Variants in FOXP2 observed in about 807,000 individuals in gnomAD.
FOXP2 encodes forkhead box P2, also known as forkhead box protein P2.
FOXP2 carries 12 observed loss-of-function variants against 115.8 expected under a neutral mutation model. The ratio of observed to expected loss-of-function variants is 0.10; its 90% CI spans 0.07 to 0.17. The LOEUF is 0.17. Among genes scored for constraint, FOXP2 ranks in the 10% least tolerant of loss-of-function variants. The probability of loss-of-function intolerance (pLI) is 1.00; values close to 1 mark genes in which losing one functional copy is unlikely to be tolerated. For synonymous variants in FOXP2, 328 were observed against 297.7 expected, an observed-to-expected ratio of 1.10 and a Z score of -1.05; for missense variants, 629 against 843.5, an observed-to-expected ratio of 0.75 and a Z score of 3.15.
chr7:114,525,764 C>T (rs1045057312), intron 2 of FOXP2, among the ~76,000 whole-genome samples: 1 of 152,086 alleles, frequency 6.6e-6, no homozygotes, highest in African/African-American at 2.4e-5. Flanking sequence ...GCTGCTGCTC[C>T]TTAATTTAGT....
intron 10 of FOXP2, among the ~76,000 whole-genome samples, chr7:114,657,581 G>T (rs559912468): frequency 6.6e-6 from 1 of 152,172 alleles, no homozygotes; most frequent in Admixed American, 6.5e-5. Context: ...CTAAAGGTCA[G>T]TGTAAAATTT....
chr7:114,384,878 G>GT (rs1212982962), intron 2 of FOXP2, among the ~76,000 whole-genome samples: 2 of 151,766 alleles, frequency 1.3e-5, no homozygotes, highest in African/African-American at 4.8e-5. Context: ...TGGTTACTGG[G>GT]TTAAGGATTT....
chr7:114,250,336 G>C (rs979881005), intron 1 of FOXP2, among the ~76,000 whole-genome samples: 1 of 152,130 alleles, frequency 6.6e-6, no homozygotes, highest in African/African-American at 2.4e-5. Context: ...GGGTCAAATG[G>C]CATTTCTAGT....
At chr7:114,472,175 G>T (rs1796078904) in intron 2 of FOXP2, among the ~76,000 whole-genome samples, 1 of 151,910 alleles carries the variant, frequency 6.6e-6, no homozygotes, top group Non-Finnish European at 1.5e-5. Flanking sequence ...TACATGCATG[G>T]AGTTTAAAGA....
At chr7:114,646,413 A>G (rs1022700699) in intron 8 of FOXP2, among the ~76,000 whole-genome samples, 46 of 152,052 alleles carry the variant, frequency 3.0e-4, no homozygotes, top group African/African-American at 8.9e-4. Flanking sequence ...ATTACTGACA[A>G]CCAGATGAAT....
At chr7:114,406,673 G>T (rs2129197778) in intron 2 of FOXP2, among the ~76,000 whole-genome samples, 1 of 152,002 alleles carries the variant, frequency 6.6e-6, no homozygotes. Context: ...AGTTAAAAAA[G>T]AAAGTGTTTT....
chr7:114,194,382 T>TA (rs1289920930), intron 1 of FOXP2, among the ~76,000 whole-genome samples: 1 of 152,094 alleles, frequency 6.6e-6, no homozygotes, highest in Non-Finnish European at 1.5e-5. Context: ...TCTGTCTTTT[T>TA]AGCTGCTCTC....
intron 8 of FOXP2, among the ~76,000 whole-genome samples, chr7:114,650,783 C>T (rs150985323): frequency 1.8e-4 from 28 of 152,054 alleles, no homozygotes; most frequent in African/African-American, 6.5e-4. Flanking sequence ...TGACCTTATC[C>T]ACCTTGCTAT....
chr7:114,463,097 T>C (rs1172574381), intron 2 of FOXP2: 1 of 426,588 alleles, frequency 2.3e-6, no homozygotes. Context: ...GGTGCAATCA[T>C]AACTCACTGC....
At chr7:114,387,521 T>G (rs1792483054) in intron 2 of FOXP2, among the ~76,000 whole-genome samples, 2 of 152,156 alleles carry the variant, frequency 1.3e-5, no homozygotes, top group South Asian at 4.2e-4. Context: ...TTTATTTAGG[T>G]TTTTTGGAGG....
At chr7:114,186,049 G>A (rs1345502877) in intron 1 of FOXP2, among the ~76,000 whole-genome samples, 1 of 151,996 alleles carries the variant, frequency 6.6e-6, no homozygotes, top group East Asian at 2.0e-4. Flanking sequence ...TCCACCATGA[G>A]GGTGTAACCC....
intron 3 of FOXP2, among the ~76,000 whole-genome samples, chr7:114,568,441 G>C (rs1338593065): frequency 2.0e-5 from 3 of 148,114 alleles, no homozygotes; most frequent in Non-Finnish European, 3.0e-5. Context: ...TTTGGGGGGG[G>C]GTTATTTTGT....
chr7:114,489,756 T>C (rs1796948157), intron 2 of FOXP2, among the ~76,000 whole-genome samples: 1 of 152,074 alleles, frequency 6.6e-6, no homozygotes, highest in Non-Finnish European at 1.5e-5. Context: ...CTGATTAAAA[T>C]ATGGACCAAA....
chr7:114,100,078 A>C (rs910479641), intron 1 of FOXP2, among the ~76,000 whole-genome samples: 4 of 152,188 alleles, frequency 2.6e-5, no homozygotes, highest in African/African-American at 7.2e-5. Context: ...TGAGTGAAGA[A>C]CTTGTTTTTG....
At chr7:114,134,867 AT>A (rs1791995799) in intron 1 of FOXP2, among the ~76,000 whole-genome samples, 1 of 152,204 alleles carries the variant, frequency 6.6e-6, no homozygotes, top group African/African-American at 2.4e-5. Context: ...TACCGTAAAC[AT>A]TTTCTGATCA....
At chr7:114,099,423 T>C (rs1321375617) in intron 1 of FOXP2, among the ~76,000 whole-genome samples, 1 of 152,110 alleles carries the variant, frequency 6.6e-6, no homozygotes, top group Non-Finnish European at 1.5e-5. Context: ...CGCTTTGGTG[T>C]GAATGTAGAT....
At chr7:114,421,108 A>C (rs911697648) in intron 1 of FOXP2, among the ~76,000 whole-genome samples, 1 of 151,814 alleles carries the variant, frequency 6.6e-6, no homozygotes, top group Admixed American at 6.6e-5. Flanking sequence ...ATAATGTTGC[A>C]GTAAAATACA....
At chr7:114,437,479 T>C (rs1463806842) in intron 2 of FOXP2, among the ~76,000 whole-genome samples, 1 of 152,164 alleles carries the variant, frequency 6.6e-6, no homozygotes, top group African/African-American at 2.4e-5. Flanking sequence ...AATAACCGAT[T>C]GCAGTACTTC....
chr7:114,184,895 T>C (rs542967364), intron 1 of FOXP2, among the ~76,000 whole-genome samples: 13 of 152,274 alleles, frequency 8.5e-5, no homozygotes, highest in Admixed American at 3.3e-4. Context: ...ATTCAATAAC[T>C]TTCTAAAATC....
Sources: allele counts gnomAD v4.1 joint callset (sites outside exome capture counted in the v4.1 genomes callset), GRCh38; gene constraint gnomAD v4.1.1; transcripts MANE v1.5; gene names NCBI Gene and HGNC (gene_info 2026-07-23, HGNC 2026-07-21).